Variants in SBF1 observed in about 807,000 individuals in gnomAD.
SBF1 encodes the protein SET binding factor 1, also known as myotubularin-related protein 5.
A neutral mutation model predicts 215.8 loss-of-function variants in SBF1; 65 were observed. That is an observed-to-expected ratio of 0.30 (90% CI 0.25 to 0.37). The LOEUF (loss-of-function observed/expected upper bound fraction) is 0.37. SBF1 is among the 10% of genes least tolerant of loss of function. The probability of loss-of-function intolerance (pLI) is 1.00; values close to 1 mark genes in which losing one functional copy is unlikely to be tolerated. For missense variants in SBF1, 2,634 were observed against 2,667.8 expected, an observed-to-expected ratio of 0.99 and a Z score of 0.28; for synonymous variants, 1,410 against 1,122.8, an observed-to-expected ratio of 1.26 and a Z score of -5.11.
At chr22:50,448,047 T>G (rs2066902728) in intron 38 of SBF1, among the ~76,000 whole-genome samples, 186 bp downstream of exon 38, 1 of 152,148 alleles carries the variant, frequency 6.6e-6, no homozygotes, top group Non-Finnish European at 1.5e-5. Context: ...TCTCTACTCC[T>G]CCCTCAGCCA....
At chr22:50,454,451 C>A in intron 36 of SBF1, 61 bp downstream of exon 36, 2 of 1,432,760 alleles carry the variant, frequency 1.4e-6, no homozygotes, top group South Asian at 1.1e-5. Context: ...ACGCACGACC[C>A]TGGTGTCTGA....
At position 50,467,460 on chromosome 22, in the gene SBF1, A is replaced by G; in HGVS notation, c.439-12T>C. On this transcript the variant is annotated splice_polypyrimidine_tract_variant and intron_variant, in intron 4 of 40. Transcript: ENST00000380817. ...AGGCCAAGGCTGTTCTGCAATGACC[A>G]GAGCGGGGAGTGGTGGGACAGCCGA... 1 of 1,614,056 alleles carries G rather than the reference A, an allele frequency of 6.2e-7. No homozygotes were observed. The highest frequency in any genetic ancestry group is 8.5e-7 in the Non-Finnish European group (1 of 1,179,942).
At chr22:50,458,017 T>C (rs1448117516) in intron 28 of SBF1, among the ~76,000 whole-genome samples, 1 of 152,098 alleles carries the variant, frequency 6.6e-6, no homozygotes, top group Non-Finnish European at 1.5e-5. Flanking sequence ...AGGTCAGAGC[T>C]GGCCAGGCGC....
At position 50,460,325 on chromosome 22, in the gene SBF1, C is replaced by G. The variant is rs765894013; in HGVS notation, c.3230G>C (p.Ser1077Thr). 4 of 1,613,126 alleles carry G rather than the reference C, an allele frequency of 2.5e-6. No individual in the cohort carries two copies. The highest frequency in any genetic ancestry group is 1.1e-5 in the South Asian group (1 of 90,982). ...HVTRKKYNPP[S>T]WEHRGQPPPE... ...GGGCGGCTGGCCCCGGTGCTCCCAG[C>G]TGGGGGGGTTGTACTTCTTGCGAGT... Residue 1077 changes from serine (S) to threonine (T), a missense_variant, in exon 25 of 41, where the codon AGC (serine) becomes ACC (threonine). Transcript: ENST00000380817.
Position 50,459,791 on chromosome 22 carries a change from GGCCCCCCAGCC to G in SBF1, c.3492-136_3492-126del, listed in dbSNP as rs2067422589. 2.2e-5 allele frequency: 30 copies of G among 1,335,694 alleles called. 1 individual carries two copies. The South Asian group carries it at 3.8e-4, about 17-fold the overall frequency. The allele number at this position is 1,335,694 out of a possible 1,614,324, so 82.7% of individuals were successfully genotyped here. On this transcript the variant is annotated intron_variant, in intron 26 of 40. Coordinates refer to ENST00000380817, the MANE Select transcript of SBF1 (RefSeq NM_002972.4). The stretch of plus-strand genomic sequence containing the variant: ...GGAGGCGCTTCCAGCTCAGCCACGG[GGCCCCCCAGCC>G]ACCCCCCAGCCCTGTGGCCCGTCCC...
At chr22:50,467,106 C>A (rs971931465) in intron 5 of SBF1, 9 of 595,470 alleles carry the variant, frequency 1.5e-5, no homozygotes, top group African/African-American at 1.3e-4. Flanking sequence ...CAGAGACAGG[C>A]ACACACCATC....
intron 15 of SBF1, 146 bp from the exon 16 acceptor site, chr22:50,463,578 A>G: frequency 1.1e-6 from 1 of 880,700 alleles, no homozygotes; most frequent in South Asian, 1.8e-5. Context: ...ACCAATAAAG[A>G]CTAAAACCTC....
rs1351430995 is a variant in SBF1, at chr22:50,456,518, T to G, written c.4060A>C (p.Ile1354Leu). ...TTGAGCTGGGCTTTGTCCCCAAGGA[T>G]ATAGAGGGCTGCTCGCTGCGGACGC... is the stretch of plus-strand genomic sequence containing the variant. ...FLRPQRAALY[I>L]LGDKAQLKGV... The change falls in exon 30 of 41, where the codon ATC becomes CTC. Residue 1354 changes from isoleucine (I) to leucine (L), a missense_variant. Transcript: ENST00000380817. The G allele has an allele frequency of 1.3e-6, 2 of 1,495,978 alleles. 1 individual carries two copies. The highest frequency in any genetic ancestry group is 3.0e-5 in the African/African-American group (2 of 67,284). 92.7% of individuals were successfully genotyped at this position (1,495,978 alleles called of 1,614,324 possible).
At chr22:50,459,917 G>A (rs550323695) in intron 26 of SBF1, 35 bp downstream of exon 26, 1 of 1,607,752 alleles carries the variant, frequency 6.2e-7, no homozygotes, top group South Asian at 1.1e-5. Flanking sequence ...CCAGTCACGT[G>A]TCCACCACCC....
In SBF1 at chr22:50,462,830, G is replaced by C. The variant is rs9617014; in HGVS notation, c.1968+40C>G. On this transcript the variant is annotated intron_variant, in intron 17 of 40. Coordinates refer to ENST00000380817, the MANE Select transcript of SBF1 (RefSeq NM_002972.4). ...GAAGGAGACCTCAGCCACCAGGAAG[G>C]GGGGGCTGGGAAGGAGACCTCAGCC... 0.13 allele frequency: 209,920 copies of C among 1,610,656 alleles called. 15,357 individuals are homozygous for C. The highest frequency in any genetic ancestry group is 0.31 in the East Asian group (13,944 of 44,796).
At chr22:50,470,317 G>A (rs2067951256) in intron 1 of SBF1, among the ~76,000 whole-genome samples, 1 of 152,206 alleles carries the variant, frequency 6.6e-6, no homozygotes, top group Non-Finnish European at 1.5e-5. Context: ...AGGAAGGGAA[G>A]GCAGCCTTCC....
Position 50,465,020 on chromosome 22 carries a change from G to A in SBF1, c.1313C>T (p.Pro438Leu), listed in dbSNP as rs369453227. The A allele has an allele frequency of 2.4e-5, 39 of 1,613,880 alleles. No individual in the cohort carries two copies. Among genetic ancestry groups the A allele is most frequent in the Non-Finnish European group, 3.1e-5 (37 of 1,179,964 alleles). ...FVSERGVPYR[P>L]TDLFDELVAH... The stretch of plus-strand genomic sequence containing the variant: ...GTGCACCTCATCGAACAGGTCCGTA[G>A]GGCGGTATGGGACCCCACGCTCTGA... The change falls in exon 12 of 41, where the codon CCT becomes CTT. Residue 438 changes from proline to leucine, a missense_variant. Pro to Leu is a moderately conservative substitution (Grantham distance 98). Coordinates refer to ENST00000380817, the MANE Select transcript of SBF1 (RefSeq NM_002972.4).
rs980781775 is a variant in SBF1 at position 50,459,656 on chromosome 22, G to A, written c.3502C>T (p.Leu1168=). 3.1e-6 allele frequency: 5 copies of A among 1,603,844 alleles called. No individual in the cohort carries two copies. In the African/African-American group the frequency reaches 6.7e-5, roughly 22 times the overall value. ...TGGACACTCTGGGGCACGATCAGCAGCCCTGGGTAGCTGAGAGGAGGCAGA... is the reference window on the plus strand; with the variant it reads ...TGGACACTCTGGGGCACGATCAGCAACCCTGGGTAGCTGAGAGGAGGCAGA... ...MYAICRSYPG[L]LIVPQSVQDN... Residue 1168 remains leucine, a synonymous_variant, in exon 27 of 41, where the codon CTG becomes TTG. Transcript: ENST00000380817.
At position 50,460,548 on chromosome 22, in the gene SBF1, C is replaced by T. The variant is rs751762325; in HGVS notation, c.3132G>A (p.Lys1044=). The T allele has an allele frequency of 8.7e-6, 14 of 1,614,106 alleles. No homozygotes were observed. In the South Asian group the frequency reaches 1.3e-4, roughly 15 times the overall value. Residue 1044 remains lysine, a synonymous_variant, in exon 24 of 41, where the codon AAG becomes AAA. Transcript: ENST00000380817. ...PGRPPRVTKD[K]GPSLRTLSRN... is the part of the protein sequence containing the mutation. ...CAGATCCATACCTGAGGGAAGGACC[C>T]TTGTCCTTGGTGACTCGCGGTGGCC...
intron 5 of SBF1, 154 bp from the exon 6 acceptor site, chr22:50,466,864 C>A: frequency 3.3e-6 from 2 of 599,666 alleles, no homozygotes; most frequent in Middle Eastern, 3.3e-4. Flanking sequence ...AAACGCCATG[C>A]CCTGCCTCTG....
rs1370529629 is a variant in SBF1, at chr22:50,463,408, G to T, written c.1774C>A (p.Leu592Met). ...CAGCGGCGGGCAGCTCGCCCCTTCA[G>T]GGCCCTCAACACGGCTGGGAGCAGC... is the stretch of plus-strand genomic sequence containing the variant. ...KKLLPAVLRA[L>M]KGRAARRCLA... Residue 592 changes from leucine (L) to methionine (M), a missense_variant, in exon 16 of 41, where the codon CTG (leucine) becomes ATG (methionine). Coordinates refer to ENST00000380817, the MANE Select transcript of SBF1 (RefSeq NM_002972.4). 1 of 1,584,682 alleles carries T rather than the reference G, an allele frequency of 6.3e-7. No homozygotes were observed. The highest frequency in any genetic ancestry group is 1.8e-5 in the Admixed American group (1 of 55,724).
chr22:50,455,171 G>T (rs143689706), intron 33 of SBF1, 29 bp from the exon 34 acceptor site: 14 of 1,613,936 alleles, frequency 8.7e-6, no homozygotes, highest in Non-Finnish European at 1.1e-5. Flanking sequence ...AGGGGCCAGG[G>T]CTCAGCGGTC....
rs2066808396 is a variant in SBF1, at chr22:50,446,356, T to TTCCCCCCCCC, written c.*785_*786insGGGGGGGGGA. The TTCCCCCCCCC allele has an allele frequency of 2.9e-5, 1 of 35,048 alleles. No individual in the cohort carries two copies. The highest frequency in any genetic ancestry group is 1.3e-4 in the African/African-American group (1 of 7,646). The allele number at this position is 35,048 out of a possible 1,614,324, so 2.2% of individuals were successfully genotyped here. A position where few individuals can be genotyped will look rare whatever the true frequency, so the allele number is the denominator to read the frequency against. ...CCTGCATTCCCCTGGGAGCCCACTGTCCCCCCCCCCCCCCCGCCTCCGGCC... is the reference window on the plus strand; with the variant it reads ...CCTGCATTCCCCTGGGAGCCCACTGTTCCCCCCCCCCCCCCCCCCCCCCCCGCCTCCGGCC... On this transcript the variant is annotated 3_prime_UTR_variant, in exon 41 of 41. Transcript: ENST00000380817.
In SBF1 at chr22:50,457,084, G is replaced by A. The variant is rs779092948; in HGVS notation, c.3854C>T (p.Thr1285Met). The change falls in exon 29 of 41, where the codon ACG (threonine) becomes ATG (methionine). Residue 1285 changes from threonine (T) to methionine (M), a missense_variant. By Grantham distance (81) the Thr-to-Met change is moderately conservative (BLOSUM62 -1). Transcript: ENST00000380817. ...CGAGGCCGCCATGGGGTTGGACAGC[G>A]TGGTGACCCTGGCTCTGGGGCTGGG... ...HVPSPRARVT[T>M]LSNPMAASAS... The A allele has an allele frequency of 2.4e-5, 36 of 1,490,976 alleles. No individual in the cohort carries two copies. Among genetic ancestry groups the A allele is most frequent in the Admixed American group, 5.7e-5 (2 of 35,132 alleles). 92.4% of individuals were successfully genotyped at this position (1,490,976 alleles called of 1,614,324 possible).
Sources: allele counts gnomAD v4.1 joint callset (sites outside exome capture counted in the v4.1 genomes callset), GRCh38; gene constraint gnomAD v4.1.1; transcripts MANE v1.5; gene names NCBI Gene and HGNC (gene_info 2026-07-23, HGNC 2026-07-21).